The following SPAG17 variants were observed in gnomAD, a reference collection of about 807,000 sequenced individuals.
SPAG17 encodes the protein sperm-associated antigen 17.
Under a neutral mutation model 273.6 loss-of-function variants are expected in SPAG17, and 169 were observed. The ratio of observed to expected loss-of-function variants is 0.62; its 90% CI spans 0.55 to 0.70. The LOEUF (loss-of-function observed/expected upper bound fraction) is 0.70, where lower values mean the gene tolerates loss of function less well. SPAG17 is among the 30% of genes least tolerant of loss of function. SPAG17 has a pLI of 0.00. For missense variants in SPAG17, 2,557 were observed against 2,627.8 expected, an observed-to-expected ratio of 0.97 and a Z score of 0.59; for synonymous variants, 825 against 873.2, an observed-to-expected ratio of 0.94 and a Z score of 0.97.
intron 39 of SPAG17, 61 bp downstream of exon 39, chr1:117,988,044 T>C (rs2101628541): frequency 1.4e-6 from 2 of 1,477,114 alleles, no homozygotes; most frequent in Middle Eastern, 3.6e-4. Flanking sequence ...ACCTGCATAT[T>C]CCATTTCCTC....
At chr1:117,989,180 T>C (rs757974534) in intron 38 of SPAG17, among the ~76,000 whole-genome samples, 1 of 152,168 alleles carries the variant, frequency 6.6e-6, no homozygotes, top group Non-Finnish European at 1.5e-5. Flanking sequence ...GGGGACACAC[T>C]GTGTCTCAGC....
intron 10 of SPAG17, 144 bp from the exon 11 acceptor site, chr1:118,087,152 A>G: frequency 1.3e-6 from 1 of 785,150 alleles, no homozygotes; most frequent in Non-Finnish European, 1.9e-6. Context: ...AATGGCAGGA[A>G]ACTATCAGTG....
intron 17 of SPAG17, among the ~76,000 whole-genome samples, chr1:118,069,803 A>G (rs1445891434): frequency 1.3e-5 from 2 of 152,170 alleles, no homozygotes; most frequent in African/African-American, 4.8e-5. Context: ...GATGCTGGGT[A>G]AAGGAGGAAA....
At chr1:118,150,802 G>A (rs1659333475) in intron 2 of SPAG17, among the ~76,000 whole-genome samples, 173 bp from the exon 3 acceptor site, 1 of 152,196 alleles carries the variant, frequency 6.6e-6, no homozygotes, top group African/African-American at 2.4e-5. Flanking sequence ...GTCAGTAATT[G>A]TATGGGTATG....
intron 32 of SPAG17, among the ~76,000 whole-genome samples, chr1:118,005,205 A>AT (rs1328025290): frequency 2.6e-5 from 4 of 152,158 alleles, no homozygotes; most frequent in African/African-American, 9.7e-5. Flanking sequence ...TATCCCACCA[A>AT]TTATTCGGCT....
At chr1:118,103,060 A>G (rs572212568) in intron 4 of SPAG17, among the ~76,000 whole-genome samples, 67 of 152,328 alleles carry the variant, frequency 4.4e-4, no homozygotes, top group Non-Finnish European at 7.6e-4. Context: ...GGTACAGACT[A>G]TGAAATGGCC....
At chr1:118,132,191 G>C (rs1223549101) in intron 3 of SPAG17, among the ~76,000 whole-genome samples, 1 of 152,208 alleles carries the variant, frequency 6.6e-6, no homozygotes, top group Non-Finnish European at 1.5e-5. Context: ...CTCCTGAGTT[G>C]AAATGTGAAG....
intron 3 of SPAG17, among the ~76,000 whole-genome samples, chr1:118,133,415 G>A (rs967238377): frequency 6.6e-6 from 1 of 152,070 alleles, no homozygotes; most frequent in Non-Finnish European, 1.5e-5. Flanking sequence ...AAGTACCTAG[G>A]TGCTTTTTCA....
intron 10 of SPAG17, among the ~76,000 whole-genome samples, chr1:118,088,206 C>T (rs994189685): frequency 7.2e-5 from 11 of 152,242 alleles, no homozygotes; most frequent in Non-Finnish European, 1.5e-4. Flanking sequence ...TCCCATCACT[C>T]CTATATTTCA....
intron 22 of SPAG17, among the ~76,000 whole-genome samples, chr1:118,039,916 G>A (rs1242014902): frequency 6.6e-6 from 1 of 152,094 alleles, no homozygotes; most frequent in African/African-American, 2.4e-5. Context: ...AGACCAAGGA[G>A]GTATTTGCAG....
intron 20 of SPAG17, among the ~76,000 whole-genome samples, chr1:118,052,803 A>T (rs1651211737): frequency 2.0e-5 from 3 of 152,086 alleles, no homozygotes; most frequent in African/African-American, 7.2e-5. Flanking sequence ...AAAAATTCCA[A>T]ATAAAATGCT....
At position 117,953,927 on chromosome 1, in the gene SPAG17, C is replaced by T; in HGVS notation, c.*123G>A. On this transcript the variant is annotated 3_prime_UTR_variant, in exon 49 of 49. Coordinates refer to ENST00000336338, the MANE Select transcript of SPAG17 (RefSeq NM_206996.4). ...TGAAGCTATTTCATTTGGCAAATTT[C>T]TGGTCAGTTCTTCCAGTTTCAGTGT... 2 of 1,208,968 alleles carry T rather than the reference C, an allele frequency of 1.7e-6. No individual in the cohort carries two copies. The highest frequency in any genetic ancestry group is 2.0e-4 in the Middle Eastern group (1 of 5,044). 74.9% of individuals were successfully genotyped at this position (1,208,968 alleles called of 1,614,324 possible).
chr1:118,077,130 A>G (rs942073416), intron 15 of SPAG17, among the ~76,000 whole-genome samples: 10 of 152,186 alleles, frequency 6.6e-5, no homozygotes, highest in Non-Finnish European at 1.5e-5. Context: ...TACATGAATG[A>G]TTTTTGCCTT....
In SPAG17 at chr1:118,005,543, G is replaced by A. The variant is rs750651341; in HGVS notation, c.4647C>T (p.Cys1549=). 6.2e-7 allele frequency: 1 copy of A among 1,605,458 alleles called. No homozygotes were observed. The highest frequency in any genetic ancestry group is 1.7e-5 in the Admixed American group (1 of 58,930). Reference sequence around the variant, plus strand: ...AGTATATATTACTGCTTGACTCATGGCAGTACACAGCTGAACAATCCTTGT... The same window carrying A: ...AGTATATATTACTGCTTGACTCATGACAGTACACAGCTGAACAATCCTTGT... ...YIDKDCSAVY[C]HESSSNIYYP... Residue 1549 remains cysteine (C), a synonymous_variant, in exon 32 of 49, where the codon TGC becomes TGT. Coordinates refer to ENST00000336338, the MANE Select transcript of SPAG17 (RefSeq NM_206996.4).
At chr1:118,172,523 A>G (rs1487806193) in intron 1 of SPAG17, among the ~76,000 whole-genome samples, 1 of 152,158 alleles carries the variant, frequency 6.6e-6, no homozygotes, top group Non-Finnish European at 1.5e-5. Flanking sequence ...GTGACTTCAA[A>G]TGTTAGGAAG....
rs1655374887 is a variant in SPAG17 at position 118,091,589 on chromosome 1, G to T, written c.1359+17C>A. The T allele has an allele frequency of 6.9e-7, 1 of 1,458,080 alleles. No individual in the cohort carries two copies. The highest frequency in any genetic ancestry group is 2.3e-5 in the East Asian group (1 of 43,920). The allele number at this position is 1,458,080 out of a possible 1,614,324, so 90.3% of individuals were successfully genotyped here. ...ACGACTTACTCAAGTATACAACCTG[G>T]GAAAAAGCCTCCCCACCTGTTCCAG... On this transcript the variant is annotated intron_variant, in intron 10 of 48. Coordinates refer to ENST00000336338, the MANE Select transcript of SPAG17 (RefSeq NM_206996.4).
chr1:118,146,933 T>C (rs1331900629), intron 3 of SPAG17, among the ~76,000 whole-genome samples: 5 of 152,128 alleles, frequency 3.3e-5, no homozygotes, highest in Non-Finnish European at 7.4e-5. Context: ...TGGCAATGTT[T>C]CCACAAAAAT....
chr1:118,109,423 C>T (rs980577986), intron 4 of SPAG17, among the ~76,000 whole-genome samples: 86 of 149,496 alleles, frequency 5.8e-4, no homozygotes, highest in Middle Eastern at 3.5e-3. Context: ...TGTTGTGGCA[C>T]GCGTGCCTGT....
intron 3 of SPAG17, among the ~76,000 whole-genome samples, chr1:118,146,158 C>T (rs1658976957): frequency 6.6e-6 from 1 of 152,134 alleles, no homozygotes; most frequent in Non-Finnish European, 1.5e-5. Context: ...TAATGTCAAA[C>T]CTAAAATTTG....
Sources: gnomAD v4.1 joint callset for allele counts (sites outside exome capture counted in the v4.1 genomes callset) on GRCh38, gnomAD v4.1.1 for gene constraint, MANE v1.5 for transcripts, NCBI Gene and HGNC (gene_info 2026-07-23, HGNC 2026-07-21) for gene names.